ADAMTS19: variants seen among roughly 807,000 people sequenced by gnomAD.
The protein encoded by ADAMTS19 is A disintegrin and metalloproteinase with thrombospondin motifs 19.
A neutral mutation model predicts 153.3 loss-of-function variants in ADAMTS19; 93 were observed. The ratio of observed to expected loss-of-function variants is 0.61; its 90% CI spans 0.51 to 0.72. The LOEUF (loss-of-function observed/expected upper bound fraction) is 0.72, where lower values mean the gene tolerates loss of function less well. ADAMTS19 is among the 30% of genes least tolerant of loss of function. The pLI is 0.00. For synonymous variants in ADAMTS19, 600 were observed against 556.6 expected, an observed-to-expected ratio of 1.08 and a Z score of -1.10; for missense variants, 1,482 against 1,552.1, an observed-to-expected ratio of 0.95 and a Z score of 0.76.
chr5:129,592,677 T>C, intron 7 of ADAMTS19, among the ~76,000 whole-genome samples: 1 of 152,146 alleles, frequency 6.6e-6, no homozygotes, highest in East Asian at 1.9e-4. Context: ...GACTTTACAC[T>C]TGAGCAAAAT....
At chr5:129,626,264 A>G (rs1367797300) in intron 10 of ADAMTS19, among the ~76,000 whole-genome samples, 8 of 151,642 alleles carry the variant, frequency 5.3e-5, no homozygotes, top group Non-Finnish European at 1.2e-4. Flanking sequence ...CTATGGAAAA[A>G]CCCTTAGATC....
intron 19 of ADAMTS19, among the ~76,000 whole-genome samples, chr5:129,700,873 G>GC (rs1200171067): frequency 2.0e-5 from 3 of 151,896 alleles, no homozygotes; most frequent in African/African-American, 7.2e-5. Context: ...GGAAGCCTGG[G>GC]CATCTTGCAG....
intron 4 of ADAMTS19, 48 bp downstream of exon 4, chr5:129,526,504 A>G (rs1166561979): frequency 6.6e-7 from 1 of 1,520,598 alleles, no homozygotes; most frequent in South Asian, 1.2e-5. Flanking sequence ...GAAAACTCTA[A>G]GGAAGACATG....
At chr5:129,680,630 C>A (rs1226224308) in intron 17 of ADAMTS19, among the ~76,000 whole-genome samples, 2 of 151,784 alleles carry the variant, frequency 1.3e-5, no homozygotes, top group East Asian at 3.9e-4. Context: ...GGCATGGTGA[C>A]GCATGCCTGT....
chr5:129,725,863 G>T (rs1009545162), intron 21 of ADAMTS19, among the ~76,000 whole-genome samples: 2 of 152,076 alleles, frequency 1.3e-5, no homozygotes, highest in Non-Finnish European at 2.9e-5. Flanking sequence ...GAATTTTATT[G>T]TTGGTTTACA....
At chr5:129,548,274 C>T (rs1752934788) in intron 6 of ADAMTS19, among the ~76,000 whole-genome samples, 1 of 149,066 alleles carries the variant, frequency 6.7e-6, no homozygotes, top group South Asian at 2.1e-4. Context: ...ACAACCTACT[C>T]ATCTGACAAA....
At position 129,693,013 on chromosome 5, in the gene ADAMTS19, G is replaced by C. The variant is rs142217863; in HGVS notation, c.2819-1707G>C. Among the ~76,000 whole-genome samples the C allele has an allele frequency of 7.7e-3, 1,178 of 152,288 alleles. 8 individuals carry two copies. The highest frequency in any genetic ancestry group is 0.031 in the Middle Eastern group (9 of 294). On this transcript the variant is annotated intron_variant, in intron 18 of 22. Transcript: ENST00000274487. ...ACTTAGCCAACATTGTGTTATCACT[G>C]TTGATTGAACTAAAGGTCCAAATGG... is the stretch of plus-strand genomic sequence containing the variant.
intron 21 of ADAMTS19, among the ~76,000 whole-genome samples, chr5:129,731,485 A>G (rs1757442336): frequency 6.6e-6 from 1 of 152,192 alleles, no homozygotes; most frequent in African/African-American, 2.4e-5. Flanking sequence ...CTCAATAACC[A>G]AAGATTTTTG....
At chr5:129,677,175 C>A (rs1257510446) in intron 16 of ADAMTS19, among the ~76,000 whole-genome samples, 2 of 152,106 alleles carry the variant, frequency 1.3e-5, no homozygotes, top group African/African-American at 2.4e-5. Flanking sequence ...AATAATAGAT[C>A]TTTAAGAAAA....
At chr5:129,706,808 T>G (rs190611184) in intron 21 of ADAMTS19, among the ~76,000 whole-genome samples, 1 of 152,188 alleles carries the variant, frequency 6.6e-6, no homozygotes, top group South Asian at 2.1e-4. Context: ...CTGGGTTAAA[T>G]CTTAGTTAAA....
intron 8 of ADAMTS19, among the ~76,000 whole-genome samples, chr5:129,611,999 G>A (rs1433866043): frequency 1.3e-5 from 2 of 151,710 alleles, no homozygotes; most frequent in African/African-American, 4.8e-5. Context: ...TATATTTTAA[G>A]TTTTAGGGTA....
At chr5:129,625,749 T>A (rs1752006887) in intron 10 of ADAMTS19, among the ~76,000 whole-genome samples, 1 of 152,186 alleles carries the variant, frequency 6.6e-6, no homozygotes, top group African/African-American at 2.4e-5. Context: ...ATTATACCTT[T>A]GTCAGATGGG....
intron 14 of ADAMTS19, among the ~76,000 whole-genome samples, chr5:129,656,839 C>T (rs1000298537): frequency 6.6e-6 from 1 of 152,192 alleles, no homozygotes; most frequent in Non-Finnish European, 1.5e-5. Context: ...TACTAACTAC[C>T]AACGTATTTA....
intron 7 of ADAMTS19, among the ~76,000 whole-genome samples, chr5:129,577,872 C>G (rs1439042945): frequency 6.6e-6 from 1 of 151,560 alleles, no homozygotes; most frequent in African/African-American, 2.4e-5. Context: ...CTCTTTTATC[C>G]TTGATAGATT....
intron 10 of ADAMTS19, among the ~76,000 whole-genome samples, chr5:129,639,137 C>T (rs909912448): frequency 6.6e-6 from 1 of 152,040 alleles, no homozygotes; most frequent in Non-Finnish European, 1.5e-5. Flanking sequence ...CGTAACTGAC[C>T]TATTAAGTGG....
At chr5:129,682,129 T>A (rs1272058456) in intron 17 of ADAMTS19, among the ~76,000 whole-genome samples, 1 of 152,206 alleles carries the variant, frequency 6.6e-6, no homozygotes, top group East Asian at 1.9e-4. Flanking sequence ...ATCCTTAATC[T>A]AACTGGTAAT....
intron 18 of ADAMTS19, among the ~76,000 whole-genome samples, chr5:129,687,717 G>T (rs1755155746): frequency 6.6e-6 from 1 of 152,142 alleles, no homozygotes; most frequent in Non-Finnish European, 1.5e-5. Context: ...TGACTCAGGG[G>T]TTCAAGTCTT....
chr5:129,477,756 A>G lies in ADAMTS19; in HGVS notation c.747+15999A>G, dbSNP rs1750272140. 2.0e-5 allele frequency among the ~76,000 whole-genome samples: 3 copies of G among 152,358 alleles called. No individual in the cohort carries two copies. The East Asian group carries it at 5.8e-4, about 29-fold the overall frequency. On this transcript the variant is annotated intron_variant, in intron 2 of 22. Coordinates refer to ENST00000274487, the MANE Select transcript of ADAMTS19 (RefSeq NM_133638.6). ...GTGTCCAATTTTTGGGTCCTTGGTC[A>G]CATGGTCTTACATGTTCACGTTCTG... is the stretch of plus-strand genomic sequence containing the variant.
chr5:129,660,347 A>G (rs1753768308), intron 15 of ADAMTS19, among the ~76,000 whole-genome samples: 1 of 152,188 alleles, frequency 6.6e-6, no homozygotes, highest in Non-Finnish European at 1.5e-5. Context: ...ATTTAATTAT[A>G]ATAAGCTTTT....
Sources: gnomAD v4.1 joint callset for allele counts (sites outside exome capture counted in the v4.1 genomes callset) on GRCh38, gnomAD v4.1.1 for gene constraint, MANE v1.5 for transcripts, NCBI Gene and HGNC (gene_info 2026-07-23, HGNC 2026-07-21) for gene names.